Variants in AGBL1 observed in about 807,000 individuals in gnomAD.
AGBL1 encodes the protein AGBL carboxypeptidase 1.
AGBL1 carries 130 observed loss-of-function variants against 118.9 expected under a neutral mutation model. That is an observed-to-expected ratio of 1.09 (90% CI 0.95 to 1.26). The LOEUF is 1.26. Ranked by LOEUF, AGBL1 falls within the 50% of genes most tolerant of loss-of-function variation. The pLI is 0.00. For missense variants in AGBL1, 1,584 were observed against 1,298.1 expected (o/e 1.22, Z -3.38); for synonymous variants, 555 against 478.9 (o/e 1.16, Z -2.08).
chr15:86,594,155 C>A, intron 21 of AGBL1, among the ~76,000 whole-genome samples: 1 of 152,058 alleles, frequency 6.6e-6, no homozygotes, highest in East Asian at 1.9e-4. Context: ...AAGTGATCCT[C>A]CCACCTAGGC....
chr15:86,515,279 C>G (rs2083106225), intron 18 of AGBL1, among the ~76,000 whole-genome samples: 1 of 152,104 alleles, frequency 6.6e-6, no homozygotes, highest in African/African-American at 2.4e-5. Flanking sequence ...TGTGCCTGCT[C>G]TTAGTGGAAA....
At chr15:86,208,863 T>A (rs1181298743) in intron 5 of AGBL1, among the ~76,000 whole-genome samples, 2 of 152,318 alleles carry the variant, frequency 1.3e-5, no homozygotes, top group Non-Finnish European at 2.9e-5. Context: ...TTATGCTAGC[T>A]TTTGAATTTG....
At chr15:86,080,735 T>G (rs1895212947) in intron 1 of AGBL1, among the ~76,000 whole-genome samples, 2 of 152,178 alleles carry the variant, frequency 1.3e-5, no homozygotes, top group Non-Finnish European at 2.9e-5. Context: ...TTAACTGATC[T>G]AGGGATCAAT....
chr15:86,463,742 A>G, intron 18 of AGBL1, among the ~76,000 whole-genome samples: 1 of 152,156 alleles, frequency 6.6e-6, no homozygotes, highest in Middle Eastern at 3.2e-3. Flanking sequence ...TAAAGATCAG[A>G]TGGTTGTAGA....
At chr15:86,565,324 T>C (rs960413133) in intron 21 of AGBL1, among the ~76,000 whole-genome samples, 7 of 152,252 alleles carry the variant, frequency 4.6e-5, no homozygotes, top group African/African-American at 1.7e-4. Context: ...GGATATCCTT[T>C]CTGTTTGTTA....
chr15:86,326,548 G>T (rs2080187074), intron 17 of AGBL1, among the ~76,000 whole-genome samples: 1 of 152,130 alleles, frequency 6.6e-6, no homozygotes, highest in Admixed American at 6.5e-5. Context: ...TGGCTGGTGG[G>T]AAACAAGAAA....
chr15:86,154,629 T>C (rs1171962757), intron 4 of AGBL1, 68 bp downstream of exon 4: 1 of 1,526,634 alleles, frequency 6.6e-7, no homozygotes, highest in Non-Finnish European at 8.8e-7. Context: ...GGAAACTGCA[T>C]GAGGGTCTGG....
intron 22 of AGBL1, among the ~76,000 whole-genome samples, chr15:86,780,130 T>C (rs2078313499): frequency 6.6e-6 from 1 of 152,222 alleles, no homozygotes; most frequent in Non-Finnish European, 1.5e-5. Context: ...TTTAGGTCTA[T>C]GATCCACTTT....
At chr15:86,357,449 C>T (rs1190187544) in intron 17 of AGBL1, among the ~76,000 whole-genome samples, 1 of 152,084 alleles carries the variant, frequency 6.6e-6, no homozygotes, top group African/African-American at 2.4e-5. Flanking sequence ...CTGTTTCTAT[C>T]AAAATTAAAA....
At chr15:86,843,337 C>CT (rs74389348) in intron 22 of AGBL1, among the ~76,000 whole-genome samples, 74 of 146,348 alleles carry the variant, frequency 5.1e-4, no homozygotes, top group Non-Finnish European at 6.3e-4. Context: ...GAAGCCAGGA[C>CT]TTTTTTTTTT....
chr15:86,763,343 C>G (rs2078053085), intron 22 of AGBL1, among the ~76,000 whole-genome samples: 1 of 151,936 alleles, frequency 6.6e-6, no homozygotes, highest in African/African-American at 2.4e-5. Flanking sequence ...AACTATTTAA[C>G]TCACAAAGTG....
chr15:86,988,997 T>C (rs943060541), intron 24 of AGBL1, among the ~76,000 whole-genome samples: 1 of 68,194 alleles, frequency 1.5e-5, no homozygotes, highest in Non-Finnish European at 2.8e-5. Flanking sequence ...TTCCCCCTGC[T>C]TTTTTTTTTT....
At position 86,914,291 on chromosome 15, in the gene AGBL1, G is replaced by C. The variant is rs1221590109; in HGVS notation, c.*6997G>C. The C allele has an allele frequency of 6.6e-6, 1 of 152,140 alleles. No homozygotes were observed. The highest frequency in any genetic ancestry group is 2.4e-5 in the African/African-American group (1 of 41,426). 9.4% of individuals were successfully genotyped at this position (152,140 alleles called of 1,614,324 possible). A position where few individuals can be genotyped will look rare whatever the true frequency, so the allele number is the denominator to read the frequency against. The stretch of plus-strand genomic sequence containing the variant: ...AGTTATTTTGGGAGGTATTAGAGGA[G>C]GAAAAATCTGCCTGTGTTTCTGCTC... On this transcript the variant is annotated 3_prime_UTR_variant, in exon 23 of 23. Coordinates refer to ENST00000614907, the MANE Select transcript of AGBL1 (RefSeq NM_001386094.1).
At chr15:86,140,439 A>G (rs4887197) in intron 1 of AGBL1, among the ~76,000 whole-genome samples, 74,119 of 151,792 alleles carry the variant, frequency 0.49, 19,179 homozygotes, top group African/African-American at 0.65. Context: ...TTTTTGGTTC[A>G]GTTTGGTTCC....
At position 86,456,805 on chromosome 15, in the gene AGBL1, C is replaced by T. The variant is rs187834987; in HGVS notation, c.2555+59259C>T. On this transcript the variant is annotated intron_variant, in intron 18 of 22. Coordinates refer to ENST00000614907, the MANE Select transcript of AGBL1 (RefSeq NM_001386094.1). ...TTTTTTTAATGAAATGTCAGTTTTA[C>T]CGGATTGGTTTTATAAAATAGAGCA... is the stretch of plus-strand genomic sequence containing the variant. 5.1e-4 allele frequency among the ~76,000 whole-genome samples: 77 copies of T among 152,056 alleles called. 1 individual carries two copies. The highest frequency in any genetic ancestry group is 8.1e-4 in the Non-Finnish European group (55 of 67,974).
intron 6 of AGBL1, among the ~76,000 whole-genome samples, chr15:86,230,130 G>A (rs1042984284): frequency 1.3e-5 from 2 of 152,152 alleles, no homozygotes; most frequent in African/African-American, 4.8e-5. Flanking sequence ...TGTCTGGCTG[G>A]TTCACAGGGA....
chr15:87,015,730 C>T (rs1201320572), intron 24 of AGBL1, among the ~76,000 whole-genome samples: 2 of 152,242 alleles, frequency 1.3e-5, no homozygotes, highest in African/African-American at 4.8e-5. Context: ...TTCATTCCCC[C>T]ACCCCACACC....
At position 86,311,035 on chromosome 15, in the gene AGBL1, C is replaced by T. The variant is rs572049081; in HGVS notation, c.2374+15627C>T. 3.8e-4 allele frequency among the ~76,000 whole-genome samples: 58 copies of T among 152,270 alleles called. 1 individual carries two copies. In the South Asian group the frequency reaches 8.9e-3, roughly 23 times the overall value. ...CCCGCGCTTCACTCCTGGTTCCCTGCGTCCCTTGCAGCCCTCAGAACAGAA... is the reference window on the plus strand; with the variant it reads ...CCCGCGCTTCACTCCTGGTTCCCTGTGTCCCTTGCAGCCCTCAGAACAGAA... On this transcript the variant is annotated intron_variant, in intron 17 of 22. Coordinates refer to ENST00000614907, the MANE Select transcript of AGBL1 (RefSeq NM_001386094.1).
chr15:86,633,022 G>C (rs1368831331), intron 21 of AGBL1, among the ~76,000 whole-genome samples: 2 of 152,138 alleles, frequency 1.3e-5, no homozygotes, highest in African/African-American at 2.4e-5. Flanking sequence ...ATTGTGAAAT[G>C]TAACATTAGG....
Sources: gnomAD v4.1 joint callset for allele counts (sites outside exome capture counted in the v4.1 genomes callset) on GRCh38, gnomAD v4.1.1 for gene constraint, MANE v1.5 for transcripts, NCBI Gene and HGNC (gene_info 2026-07-23, HGNC 2026-07-21) for gene names.